Variants in JAZF1 observed in about 807,000 individuals in gnomAD.
JAZF1 encodes JAZF zinc finger 1, also known as juxtaposed with another zinc finger protein 1.
Under a neutral mutation model 26.4 loss-of-function variants are expected in JAZF1, and 8 were observed. That is an observed-to-expected ratio of 0.30 (90% confidence interval 0.18 to 0.55). The LOEUF is 0.55. Ranked by LOEUF, JAZF1 falls within the 20% of genes least tolerant of loss-of-function variation. JAZF1 has a pLI of 0.94. For missense variants in JAZF1, 199 were observed against 322.0 expected (o/e 0.62, Z 2.92); for synonymous variants, 126 against 122.3 (o/e 1.03, Z -0.20).
chr7:28,167,984 A>G (rs1415307531), intron 1 of JAZF1, among the ~76,000 whole-genome samples: 1 of 152,226 alleles, frequency 6.6e-6, no homozygotes, highest in African/African-American at 2.4e-5. Context: ...ATTAAAGCAC[A>G]TGGCCTGTCA....
At chr7:27,880,718 G>A (rs1057274006) in intron 3 of JAZF1, among the ~76,000 whole-genome samples, 1 of 152,212 alleles carries the variant, frequency 6.6e-6, no homozygotes, top group African/African-American at 2.4e-5. Flanking sequence ...AGGCTGAAGT[G>A]CAGTGGTGCA....
intron 1 of JAZF1, among the ~76,000 whole-genome samples, chr7:28,015,305 A>G (rs1056719081): frequency 1.3e-5 from 2 of 152,158 alleles, no homozygotes; most frequent in African/African-American, 2.4e-5. Flanking sequence ...AAATGTTAAT[A>G]CAGGATCCTG....
rs145982609 is a variant in JAZF1, at chr7:28,097,517, T to C, written c.115+82946A>G. Among the ~76,000 whole-genome samples the C allele has an allele frequency of 1.4e-4, 22 of 152,340 alleles. No homozygotes were observed. In the East Asian group the frequency reaches 4.2e-3, roughly 29 times the overall value. On this transcript the variant is annotated intron_variant, in intron 1 of 4. Coordinates refer to ENST00000283928, the MANE Select transcript of JAZF1 (RefSeq NM_175061.4). ...CTCAGAGCTTGTTTCCTAAAATAGATGAAGTCACACACATTGATACAATAG... is the reference window on the plus strand; with the variant it reads ...CTCAGAGCTTGTTTCCTAAAATAGACGAAGTCACACACATTGATACAATAG...
intron 1 of JAZF1, among the ~76,000 whole-genome samples, chr7:28,105,285 A>AC (rs1784533378): frequency 6.6e-6 from 1 of 152,216 alleles, no homozygotes; most frequent in Non-Finnish European, 1.5e-5. Flanking sequence ...TCTTCTCTGT[A>AC]AGTTCAAAGG....
intron 3 of JAZF1, chr7:27,846,454 C>T (rs866202253): frequency 1.3e-5 from 6 of 470,096 alleles, no homozygotes; most frequent in Middle Eastern, 6.5e-4. Context: ...ATTCATCCAC[C>T]GATGGACAAG....
intron 1 of JAZF1, among the ~76,000 whole-genome samples, chr7:28,045,589 T>G (rs1783482528): frequency 6.6e-6 from 1 of 152,154 alleles, no homozygotes; most frequent in South Asian, 2.1e-4. Context: ...TTGTTTTTGT[T>G]TTTTAGAGAC....
intron 1 of JAZF1, among the ~76,000 whole-genome samples, chr7:28,173,935 T>C (rs1783511120): frequency 1.3e-5 from 2 of 148,956 alleles, no homozygotes; most frequent in African/African-American, 4.9e-5. Context: ...AACATTCCAG[T>C]GCTTACAGCG....
chr7:28,009,567 TC>T (rs1782763300), intron 1 of JAZF1, among the ~76,000 whole-genome samples: 1 of 151,490 alleles, frequency 6.6e-6, no homozygotes, highest in Admixed American at 6.6e-5. Context: ...CACTGCAACC[TC>T]CGCCTCCCAG....
intron 1 of JAZF1, among the ~76,000 whole-genome samples, chr7:28,084,110 A>C (rs1319406175): frequency 2.6e-5 from 4 of 152,166 alleles, no homozygotes; most frequent in Admixed American, 6.5e-5. Flanking sequence ...ATCACACTGC[A>C]ACATTTTCTG....
chr7:27,975,503 T>TGAC (rs1785454877), intron 2 of JAZF1, among the ~76,000 whole-genome samples: 1 of 152,226 alleles, frequency 6.6e-6, no homozygotes, highest in South Asian at 2.1e-4. Context: ...AAGGCAAATG[T>TGAC]GACACCCAGG....
At chr7:28,079,581 C>T (rs995195832) in intron 1 of JAZF1, among the ~76,000 whole-genome samples, 2 of 152,076 alleles carry the variant, frequency 1.3e-5, no homozygotes, top group African/African-American at 4.8e-5. Flanking sequence ...AGAGTTTACC[C>T]ATAGGTTAGC....
chr7:28,023,301 T>C (rs941167369), intron 1 of JAZF1, among the ~76,000 whole-genome samples: 1 of 152,198 alleles, frequency 6.6e-6, no homozygotes, highest in African/African-American at 2.4e-5. Context: ...ACTGAAGTAA[T>C]TTCCCTTGCT....
chr7:27,866,964 A>C (rs1248312462), intron 3 of JAZF1, among the ~76,000 whole-genome samples: 1 of 152,212 alleles, frequency 6.6e-6, no homozygotes, highest in Non-Finnish European at 1.5e-5. Context: ...CCAGACACTA[A>C]GGGAGTGCCT....
At chr7:27,876,024 T>C (rs539758744) in intron 3 of JAZF1, among the ~76,000 whole-genome samples, 2 of 152,328 alleles carry the variant, frequency 1.3e-5, no homozygotes, top group East Asian at 3.9e-4. Context: ...CAAAACTTCC[T>C]AGCAGTGTGG....
chr7:28,065,125 C>T (rs1202037204), intron 1 of JAZF1, among the ~76,000 whole-genome samples: 1 of 152,108 alleles, frequency 6.6e-6, no homozygotes, highest in Non-Finnish European at 1.5e-5. Context: ...GTGAAAATGA[C>T]CAAAGAATCA....
chr7:27,831,565 C>G lies in JAZF1; in HGVS notation c.*1235G>C, dbSNP rs985561340. 2 of 227,034 alleles carry G rather than the reference C, an allele frequency of 8.8e-6. No individual in the cohort carries two copies. Among genetic ancestry groups the G allele is most frequent in the African/African-American group, 4.4e-5 (2 of 44,946 alleles). The allele number at this position is 227,034 out of a possible 1,614,324, so 14.1% of individuals were successfully genotyped here. Reference sequence around the variant, plus strand: ...TCGTATTAGTCATGCTTTTCTTTGACCACCTGCTGCAAGAAGCACTTAATT... The same window carrying G: ...TCGTATTAGTCATGCTTTTCTTTGAGCACCTGCTGCAAGAAGCACTTAATT... On this transcript the variant is annotated 3_prime_UTR_variant, in exon 5 of 5. Transcript: ENST00000283928.
intron 1 of JAZF1, among the ~76,000 whole-genome samples, chr7:28,116,057 G>T (rs1784736346): frequency 6.6e-6 from 1 of 152,136 alleles, no homozygotes; most frequent in South Asian, 2.1e-4. Flanking sequence ...TTCACCAGTG[G>T]ATACTTGAAT....
chr7:28,160,417 C>CA (rs1437645079), intron 1 of JAZF1, among the ~76,000 whole-genome samples: 2 of 152,072 alleles, frequency 1.3e-5, no homozygotes, highest in African/African-American at 4.8e-5. Context: ...ATGTAGGCTC[C>CA]ATGAGGGCAA....
At chr7:27,910,793 G>A (rs546718031) in intron 2 of JAZF1, among the ~76,000 whole-genome samples, 57 of 152,228 alleles carry the variant, frequency 3.7e-4, no homozygotes, top group African/African-American at 1.1e-3. Flanking sequence ...CCCAACACCC[G>A]GGCCATTTTT....
Sources: allele counts gnomAD v4.1 joint callset (sites outside exome capture counted in the v4.1 genomes callset), GRCh38; gene constraint gnomAD v4.1.1; transcripts MANE v1.5; gene names NCBI Gene and HGNC (gene_info 2026-07-23, HGNC 2026-07-21).